Variants in XKR9 observed in about 807,000 individuals in gnomAD.
XKR9 encodes XK-related protein 9.
A neutral mutation model predicts 32.0 loss-of-function variants in XKR9; 32 were observed. The ratio of observed to expected loss-of-function variants is 1.00; its 90% CI spans 0.76 to 1.34. The LOEUF is 1.34. XKR9 is among the 40% of genes most tolerant of loss of function. The pLI, the probability that XKR9 is intolerant of heterozygous loss-of-function variation, is 0.00. For synonymous variants in XKR9, 168 were observed against 143.4 expected (o/e 1.17, Z -1.22); for missense variants, 546 against 429.7 (o/e 1.27, Z -2.39).
chr8:70,934,598 A>G, the XKR9 span, among the ~76,000 whole-genome samples: 1 of 152,180 alleles, frequency 6.6e-6, no homozygotes, highest in African/African-American at 2.4e-5. Context: ...ACCAAACAAC[A>G]CAATAAAGTT....
chr8:71,040,707 T>C, the XKR9 span, among the ~76,000 whole-genome samples: 4 of 152,318 alleles, frequency 2.6e-5, no homozygotes, highest in East Asian at 7.7e-4. Context: ...GATTAACTTA[T>C]ACATATAATT....
At chr8:70,879,833 T>C in the XKR9 span, among the ~76,000 whole-genome samples, 1 of 152,108 alleles carries the variant, frequency 6.6e-6, no homozygotes, top group Admixed American at 6.6e-5. Flanking sequence ...AAAAGAGAAT[T>C]TTAGACCAAT....
chr8:70,889,427 CA>C, the XKR9 span, among the ~76,000 whole-genome samples: 10 of 151,296 alleles, frequency 6.6e-5, no homozygotes, highest in African/African-American at 2.4e-4. Context: ...ATTTTAGATT[CA>C]GGGGGTACAT....
intron 2 of XKR9, among the ~76,000 whole-genome samples, chr8:70,747,615 A>AAGAAAC (rs150507293): frequency 1.3e-5 from 2 of 152,322 alleles, no homozygotes; most frequent in Non-Finnish European, 2.9e-5. Flanking sequence ...CCTGAACTGT[A>AAGAAAC]AGAAACACAT....
chr8:70,855,339 C>A, the XKR9 span, among the ~76,000 whole-genome samples: 1 of 152,170 alleles, frequency 6.6e-6, no homozygotes, highest in African/African-American at 2.4e-5. Context: ...ATGCACAAGC[C>A]TCAGTAGCCG....
At chr8:70,900,163 G>A in the XKR9 span, among the ~76,000 whole-genome samples, 2 of 151,614 alleles carry the variant, frequency 1.3e-5, no homozygotes, top group Non-Finnish European at 2.9e-5. Flanking sequence ...TCTTTAGAAA[G>A]GTTACTTCCC....
chr8:70,818,635 A>G, the XKR9 span, among the ~76,000 whole-genome samples: 1 of 152,234 alleles, frequency 6.6e-6, no homozygotes, highest in Non-Finnish European at 1.5e-5. Flanking sequence ...ATGTATGCTT[A>G]GTATAGTATT....
rs539217831 is a variant in XKR9 at position 70,683,846 on chromosome 8, C to T, written c.272+2516C>T. On this transcript the variant is annotated intron_variant, in intron 3 of 4. Transcript: ENST00000408926. The stretch of plus-strand genomic sequence containing the variant: ...TGCCTTTTAGAATTTCATCTATTGA[C>T]GGGCTGTTGGTGACATCACCTCTCA... 5.3e-5 allele frequency among the ~76,000 whole-genome samples: 8 copies of T among 152,282 alleles called. No homozygotes were observed. The South Asian group carries it at 8.3e-4, about 16-fold the overall frequency.
chr8:70,863,763 A>G, the XKR9 span, among the ~76,000 whole-genome samples: 1 of 152,172 alleles, frequency 6.6e-6, no homozygotes, highest in African/African-American at 2.4e-5. Flanking sequence ...GAGAGAAACA[A>G]ATGGATTGTT....
the XKR9 span, among the ~76,000 whole-genome samples, chr8:70,900,975 G>A: frequency 2.0e-3 from 298 of 152,142 alleles, no homozygotes; most frequent in Non-Finnish European, 2.8e-3. Context: ...ATGTCCCTAC[G>A]AAGGACATGA....
intron 2 of XKR9, among the ~76,000 whole-genome samples, chr8:70,782,493 A>T (rs148399141): frequency 6.6e-6 from 1 of 151,850 alleles, no homozygotes; most frequent in Non-Finnish European, 1.5e-5. Flanking sequence ...TGTAAAAAAA[A>T]ATTCCTTCTG....
the XKR9 span, among the ~76,000 whole-genome samples, chr8:70,880,624 A>G: frequency 6.6e-6 from 1 of 152,200 alleles, no homozygotes; most frequent in African/African-American, 2.4e-5. Context: ...ATAAAAGAGG[A>G]CACAAACAAA....
the XKR9 span, among the ~76,000 whole-genome samples, chr8:71,036,886 T>G: frequency 6.6e-6 from 1 of 151,342 alleles, no homozygotes; most frequent in Non-Finnish European, 1.5e-5. Flanking sequence ...TTTTTTTTTT[T>G]TAAGTAGAGA....
intron 2 of XKR9, among the ~76,000 whole-genome samples, chr8:70,767,014 G>A (rs181957907): frequency 6.6e-6 from 1 of 152,284 alleles, no homozygotes; most frequent in Admixed American, 6.5e-5. Flanking sequence ...TTTTATTGAG[G>A]ATTTTTCACA....
At chr8:70,765,200 C>A (rs762136424) in intron 2 of XKR9, among the ~76,000 whole-genome samples, 7 of 152,148 alleles carry the variant, frequency 4.6e-5, no homozygotes, top group Non-Finnish European at 8.8e-5. Flanking sequence ...CTAATTTACA[C>A]TCCCACCAAC....
At chr8:70,891,073 G>A in the XKR9 span, among the ~76,000 whole-genome samples, 1 of 151,736 alleles carries the variant, frequency 6.6e-6, no homozygotes, top group African/African-American at 2.4e-5. Context: ...TTTTTAGTTT[G>A]TTGGCATATA....
chr8:70,938,312 C>T, the XKR9 span, among the ~76,000 whole-genome samples: 3 of 151,554 alleles, frequency 2.0e-5, no homozygotes, highest in East Asian at 1.9e-4. Flanking sequence ...ACTTAGTGCT[C>T]GAGAAGAGGT....
chr8:70,988,649 G>T, the XKR9 span, among the ~76,000 whole-genome samples: 1 of 152,036 alleles, frequency 6.6e-6, no homozygotes, highest in African/African-American at 2.4e-5. Flanking sequence ...CAATTTCTGT[G>T]ACCCCACAAC....
chr8:70,937,279 A>G, the XKR9 span, among the ~76,000 whole-genome samples: 1 of 152,078 alleles, frequency 6.6e-6, no homozygotes, highest in Non-Finnish European at 1.5e-5. Context: ...AGAGCCCACA[A>G]TCCCAAGAAC....
Sources: gnomAD v4.1 joint callset for allele counts (sites outside exome capture counted in the v4.1 genomes callset) on GRCh38, gnomAD v4.1.1 for gene constraint, MANE v1.5 for transcripts, NCBI Gene and HGNC (gene_info 2026-07-23, HGNC 2026-07-21) for gene names.